Variants in KCNH3 observed in about 807,000 individuals in gnomAD.
KCNH3 encodes potassium voltage-gated channel subfamily H member 3, also known as voltage-gated inwardly rectifying potassium channel KCNH3.
Under a neutral mutation model 95.6 loss-of-function variants are expected in KCNH3, and 36 were observed. The ratio of observed to expected loss-of-function variants is 0.38; its 90% confidence interval spans 0.29 to 0.50. KCNH3 has a LOEUF of 0.50. Among genes scored for constraint, KCNH3 ranks in the 20% least tolerant of loss-of-function variants. The probability of loss-of-function intolerance (pLI) is 0.95; values close to 1 mark genes in which losing one functional copy is unlikely to be tolerated. For missense variants in KCNH3, 1,030 were observed against 1,484.1 expected (o/e 0.69, Z 5.03); for synonymous variants, 620 against 646.3 (o/e 0.96, Z 0.62).
chr12:49,551,505 G>C (rs568943461), intron 10 of KCNH3, among the ~76,000 whole-genome samples: 1 of 144,624 alleles, frequency 6.9e-6, no homozygotes, highest in Non-Finnish European at 1.5e-5. Context: ...AAACCCAGGA[G>C]ATGGAGACTG....
intron 7 of KCNH3, among the ~76,000 whole-genome samples, chr12:49,546,809 C>A (rs1410134062): frequency 6.6e-6 from 1 of 152,252 alleles, no homozygotes; most frequent in African/African-American, 2.4e-5. Context: ...TTCTCCCCAC[C>A]TTCCCTATCC....
chr12:49,554,497 T>A lies in KCNH3; in HGVS notation c.2079T>A (p.Ser693Arg). The A allele has an allele frequency of 6.2e-6, 10 of 1,613,762 alleles. No individual in the cohort carries two copies. Among genetic ancestry groups the A allele is most frequent in the Non-Finnish European group, 8.5e-6 (10 of 1,179,988 alleles). ...ALYPEFAPRF[S>R]RGLRGELSYN... ...ACCCCGAGTTTGCCCCGCGCTTCAG[T>A]CGTGGCCTCCGAGGGGAGCTCAGCT... The change falls in exon 11 of 15, where the codon AGT (serine) becomes AGA (arginine). Residue 693 changes from serine (S) to arginine (R), a missense_variant. Physicochemically the swap from Ser to Arg is moderately radical, Grantham distance 110 (BLOSUM62 -1). Transcript: ENST00000257981.
rs974777287 is a variant in KCNH3, at chr12:49,558,197, G to A, written c.*244G>A. 4.8e-6 allele frequency: 2 copies of A among 413,392 alleles called. No homozygotes were observed. Among genetic ancestry groups the A allele is most frequent in the East Asian group, 3.6e-5 (1 of 28,138 alleles). The allele number at this position is 413,392 out of a possible 1,614,324, so 25.6% of individuals were successfully genotyped here. On this transcript the variant is annotated 3_prime_UTR_variant, in exon 15 of 15. Transcript: ENST00000257981. ...CCCGGTCTCCCTCTGCAGGCTGGGG[G>A]CAGAGGCCTGAGGACAAGGAAGAGC...
chr12:49,543,000 C>T (rs1937927645), intron 4 of KCNH3, among the ~76,000 whole-genome samples, 161 bp downstream of exon 4: 1 of 152,164 alleles, frequency 6.6e-6, no homozygotes, highest in Non-Finnish European at 1.5e-5. Flanking sequence ...ATGCCTGATC[C>T]ATCAGAAGAA....
At chr12:49,554,799 TTAG>T (rs1938377844) in intron 11 of KCNH3, among the ~76,000 whole-genome samples, 1 of 152,114 alleles carries the variant, frequency 6.6e-6, no homozygotes, top group South Asian at 2.1e-4. Context: ...CAGAGGAATC[TTAG>T]TGAAGGTAGA....
intron 10 of KCNH3, among the ~76,000 whole-genome samples, chr12:49,551,921 G>A (rs1398965658): frequency 6.6e-6 from 1 of 152,238 alleles, no homozygotes; most frequent in Non-Finnish European, 1.5e-5. Flanking sequence ...CTCCCTTGAA[G>A]AGGATGACCT....
At position 49,555,677 on chromosome 12, in the gene KCNH3, G is replaced by C; in HGVS notation, c.2194G>C (p.Glu732Gln). The part of the protein sequence containing the change: ...NTLMSTLEEK[E>Q]TDGEQGPTVS... ...CCTTATGTCCACGCTGGAGGAGAAGGAGACAGATGGGGAGCAGGGCCCCAC... is the reference window on the plus strand; with the variant it reads ...CCTTATGTCCACGCTGGAGGAGAAGCAGACAGATGGGGAGCAGGGCCCCAC... Residue 732 changes from glutamate (E) to glutamine (Q), a missense_variant, in exon 12 of 15, where the codon GAG becomes CAG. Physicochemically the swap from Glu to Gln is conservative, Grantham distance 29. Around this residue, in one of 9 missense-constraint regions of KCNH3, gnomAD observed 464 missense variants for 493.2 expected, o/e 0.94. Coordinates refer to ENST00000257981, the MANE Select transcript of KCNH3 (RefSeq NM_012284.3). 1.2e-6 allele frequency: 2 copies of C among 1,602,550 alleles called. No homozygotes were observed. Among genetic ancestry groups the C allele is most frequent in the Non-Finnish European group, 1.7e-6 (2 of 1,172,796 alleles).
Position 49,557,901 on chromosome 12 carries a change from G to A in KCNH3, c.3200G>A (p.Cys1067Tyr). The part of the protein sequence containing the change: ...PHSLEMVLIG[C>Y]HGSGTVQWTQ... ...AGCCTGGAGATGGTGCTTATTGGCT[G>A]CCATGGCTCTGGCACAGTCCAGTGG... Residue 1067 changes from cysteine (C) to tyrosine (Y), a missense_variant, in exon 15 of 15, where the codon TGC becomes TAC. By Grantham distance (194) the Cys-to-Tyr change is radical. Around this residue, in one of 9 missense-constraint regions of KCNH3, gnomAD observed 464 missense variants for 493.2 expected, o/e 0.94. Transcript: ENST00000257981. The A allele has an allele frequency of 1.3e-6, 2 of 1,538,668 alleles. No individual in the cohort carries two copies. The highest frequency in any genetic ancestry group is 8.7e-7 in the Non-Finnish European group (1 of 1,143,230).
rs1311718099 is a variant in KCNH3, at chr12:49,539,185, T to A, written c.-232T>A. On this transcript the variant is annotated 5_prime_UTR_variant, in exon 1 of 15. Coordinates refer to ENST00000257981, the MANE Select transcript of KCNH3 (RefSeq NM_012284.3). The surrounding 1 kb of genome is among the most constrained non-coding windows in gnomAD (Gnocchi z 6.7). ...CGCGGGGCCTGGAGCCCGGGATTTG[T>A]GGGCGGCGAGGGCGCGAGGGGCCGC... 6.4e-6 allele frequency: 1 copy of A among 155,842 alleles called. No homozygotes were observed. Among genetic ancestry groups the A allele is most frequent in the East Asian group, 1.9e-4 (1 of 5,286 alleles). The allele number at this position is 155,842 out of a possible 1,614,324, so 9.7% of individuals were successfully genotyped here.
chr12:49,550,058 C>G, intron 9 of KCNH3, 22 bp from the exon 10 acceptor site: 1 of 1,550,320 alleles, frequency 6.5e-7, no homozygotes, highest in Non-Finnish European at 8.7e-7. Context: ...ACCCCCCCAC[C>G]CCCGCACCTG....
chr12:49,544,342 G>GCCGGAGAT lies in KCNH3; in HGVS notation c.1150_1151insCGGAGATC (p.Arg384ProfsTer111). 1 of 1,613,636 alleles carries GCCGGAGAT rather than the reference G, an allele frequency of 6.2e-7. No individual in the cohort carries two copies. The highest frequency in any genetic ancestry group is 8.5e-7 in the Non-Finnish European group (1 of 1,180,044). On this transcript the variant is annotated frameshift_variant, in exon 7 of 15. Coordinates refer to ENST00000257981, the MANE Select transcript of KCNH3 (RefSeq NM_012284.3). LOFTEE classifies it high-confidence loss of function. ...CCTGCGTCTGGTTTTACATTGGCCA[G>GCCGGAGAT]CGGGAGATCGAGAGCAGCGAATCCG...
chr12:49,557,895 T>C lies in KCNH3; in HGVS notation c.3194T>C (p.Ile1065Thr), dbSNP rs539381027. The change falls in exon 15 of 15, where the codon ATT becomes ACT. Residue 1065 changes from isoleucine to threonine, a missense_variant. Ile to Thr is a moderately conservative substitution (Grantham distance 89). Transcript: ENST00000257981. The stretch of plus-strand genomic sequence containing the variant: ...CCCCACAGCCTGGAGATGGTGCTTA[T>C]TGGCTGCCATGGCTCTGGCACAGTC... Reference protein sequence around the residue: ...WDPHSLEMVLIGCHGSGTVQW... With the variant: ...WDPHSLEMVLTGCHGSGTVQW... 4 of 1,541,848 alleles carry C rather than the reference T, an allele frequency of 2.6e-6. No homozygotes were observed. Among genetic ancestry groups the C allele is most frequent in the East Asian group, 2.3e-5 (1 of 44,166 alleles).
Position 49,543,496 on chromosome 12 carries a change from C to T in KCNH3, c.801C>T (p.Ala267=), listed in dbSNP as rs113722856. 6.9e-4 allele frequency: 1,106 copies of T among 1,598,338 alleles called. 16 individuals carry two copies. The South Asian group carries it at 8.2e-3, about 12-fold the overall frequency. ...GCCCGCCCAGCGTCTGTGACCTGGCCGTGGAGGTCCTCTTCATCCTTGGTG... is the reference window on the plus strand; with the variant it reads ...GCCCGCCCAGCGTCTGTGACCTGGCTGTGGAGGTCCTCTTCATCCTTGGTG... ...ARGPPSVCDL[A]VEVLFILDIV... is the part of the protein sequence containing the mutation. The change falls in exon 5 of 15, where the codon GCC becomes GCT. Residue 267 remains alanine (A), a synonymous_variant. Coordinates refer to ENST00000257981, the MANE Select transcript of KCNH3 (RefSeq NM_012284.3).
At chr12:49,555,981 G>A in intron 12 of KCNH3, 30 bp downstream of exon 12, 1 of 1,078,812 alleles carries the variant, frequency 9.3e-7, no homozygotes, top group East Asian at 2.4e-5. Context: ...CCGTGGCAGA[G>A]ATGGTGGTGA....
In KCNH3 at chr12:49,539,562, C is replaced by G; in HGVS notation, c.76+70C>G. Reference sequence around the variant, plus strand: ...CGCCAGGGCTCCCGCCTTCCCCGAACCCCCAGCAGCCCAGCTTGGCGCCAG... The same window carrying G: ...CGCCAGGGCTCCCGCCTTCCCCGAAGCCCCAGCAGCCCAGCTTGGCGCCAG... On this transcript the variant is annotated intron_variant, in intron 1 of 14. Coordinates refer to ENST00000257981, the MANE Select transcript of KCNH3 (RefSeq NM_012284.3). This position sits in a 1 kb window ranked among gnomAD's most constrained non-coding sequence, Gnocchi z 6.7. 1 of 1,350,492 alleles carries G rather than the reference C, an allele frequency of 7.4e-7. No individual in the cohort carries two copies. Among genetic ancestry groups the G allele is most frequent in the Non-Finnish European group, 1.0e-6 (1 of 976,202 alleles). 83.7% of individuals were successfully genotyped at this position (1,350,492 alleles called of 1,614,324 possible). A position where few individuals can be genotyped will look rare whatever the true frequency, so the allele number is the denominator to read the frequency against.
intron 1 of KCNH3, among the ~76,000 whole-genome samples, chr12:49,540,670 G>A (rs778752859): frequency 6.6e-5 from 10 of 152,190 alleles, no homozygotes; most frequent in Non-Finnish European, 1.2e-4. Flanking sequence ...TTCATTCACC[G>A]ACCTCAGTTC....
At chr12:49,541,249 C>G in intron 2 of KCNH3, 117 bp downstream of exon 2, 1 of 762,874 alleles carries the variant, frequency 1.3e-6, no homozygotes, top group Non-Finnish European at 2.1e-6. Flanking sequence ...CCCATGTCAT[C>G]CCATCTTCCC....
intron 3 of KCNH3, among the ~76,000 whole-genome samples, chr12:49,542,443 G>A (rs556328359): frequency 9.9e-5 from 15 of 152,136 alleles, no homozygotes; most frequent in Non-Finnish European, 1.8e-4. Context: ...GCCTTTCCCC[G>A]TAGAGATCCT....
intron 7 of KCNH3, among the ~76,000 whole-genome samples, chr12:49,548,095 C>CGTGTGT (rs369626063): frequency 0.026 from 3,827 of 146,610 alleles, 60 homozygotes; most frequent in Middle Eastern, 0.045. Flanking sequence ...CCTGTGACTA[C>CGTGTGT]GTGTGTGTGT....
Sources: gnomAD v4.1 joint callset for allele counts (sites outside exome capture counted in the v4.1 genomes callset) on GRCh38, gnomAD v4.1.1 for gene constraint, gnomAD v4.1.1 regional missense constraint, Gnocchi (gnomAD v3.1) non-coding constraint, MANE v1.5 for transcripts, NCBI Gene and HGNC (gene_info 2026-07-23, HGNC 2026-07-21) for gene names.